ZFHX3: variants seen among roughly 807,000 people sequenced by gnomAD.
The protein encoded by ZFHX3 is zinc finger homeobox 3, also known as zinc finger homeobox protein 3.
A neutral mutation model predicts 279.1 loss-of-function variants in ZFHX3; 42 were observed. The observed-to-expected ratio is 0.15, with a 90% CI of 0.12 to 0.19. The LOEUF (loss-of-function observed/expected upper bound fraction) is 0.19, where lower values mean the gene tolerates loss of function less well. Ranked by LOEUF, ZFHX3 falls within the 10% of genes least tolerant of loss-of-function variation. The pLI is 1.00. For missense variants in ZFHX3, 4,981 were observed against 4,754.0 expected, an observed-to-expected ratio of 1.05 and a Z score of -1.40; for synonymous variants, 2,293 against 1,957.8, an observed-to-expected ratio of 1.17 and a Z score of -4.52.
intron 2 of ZFHX3, among the ~76,000 whole-genome samples, chr16:73,614,193 C>A (rs953653989): frequency 6.6e-6 from 1 of 152,174 alleles, no homozygotes; most frequent in Non-Finnish European, 1.5e-5. Context: ...CACACGTGAA[C>A]GTATGTGATG....
At chr16:73,344,706 G>C (rs2194339) in intron 3 of ZFHX3, among the ~76,000 whole-genome samples, 1 of 152,158 alleles carries the variant, frequency 6.6e-6, no homozygotes. Context: ...CAGAGAGAGA[G>C]AGAGAGACAG....
Position 73,452,862 on chromosome 16 carries a change from G to A in ZFHX3, c.-1291+3141C>T, listed in dbSNP as rs118149533. ...ACCAATGATTACCATTTCTATTAAC[G>A]CACCAGACATTAAGTCATTAAGTCT... is the stretch of plus-strand genomic sequence containing the variant. On this transcript the variant is annotated intron_variant, in intron 3 of 17. Transcript: ENST00000641206. Among the ~76,000 whole-genome samples the A allele has an allele frequency of 9.4e-3, 1,437 of 152,264 alleles. 57 individuals carry two copies. The highest frequency in any genetic ancestry group is 0.076 in the Admixed American group (1,160 of 15,304).
chr16:72,794,043 A>G lies in ZFHX3; in HGVS notation c.8639T>C (p.Met2880Thr), dbSNP rs1267773999. The G allele has an allele frequency of 3.1e-6, 5 of 1,614,244 alleles. No homozygotes were observed. The highest frequency in any genetic ancestry group is 4.2e-6 in the Non-Finnish European group (5 of 1,180,050). Residue 2880 changes from methionine to threonine, a missense_variant, in exon 9 of 10, where the codon ATG becomes ACG. By Grantham distance (81) the Met-to-Thr change is moderately conservative (BLOSUM62 -1). This residue lies in a region of ZFHX3 where 744 missense variants were observed against 701.3 expected (regional missense o/e 1.06). Coordinates refer to ENST00000268489, the MANE Select transcript of ZFHX3 (RefSeq NM_006885.4). This position sits in a 1 kb window ranked among gnomAD's most constrained non-coding sequence, Gnocchi z 4.2. ...ATCTTCATACTCAGACATTGCCATCATGGCCGCTTTGGTCAACCCTTCGTT... is the reference window on the plus strand; with the variant it reads ...ATCTTCATACTCAGACATTGCCATCGTGGCCGCTTTGGTCAACCCTTCGTT... ...APNEGLTKAA[M>T]MAMSEYEDRL... is the part of the protein sequence containing the mutation.
chr16:72,949,079 G>A (rs1960844598), intron 3 of ZFHX3, among the ~76,000 whole-genome samples: 3 of 152,092 alleles, frequency 2.0e-5, no homozygotes, highest in Non-Finnish European at 4.4e-5. Context: ...TTTCCCTAAA[G>A]TGCTTTCTTA....
chr16:73,428,044 C>T (rs892866321), intron 3 of ZFHX3, among the ~76,000 whole-genome samples: 24 of 152,134 alleles, frequency 1.6e-4, no homozygotes, highest in Non-Finnish European at 2.4e-4. Flanking sequence ...CATGCACACA[C>T]GTAGACACAC....
chr16:73,352,559 A>T (rs530805241), intron 3 of ZFHX3, among the ~76,000 whole-genome samples: 1 of 144,312 alleles, frequency 6.9e-6, no homozygotes, highest in Non-Finnish European at 1.5e-5. Context: ...GACTCACTGC[A>T]ATCTCTGCCT....
At position 73,580,891 on chromosome 16, in the gene ZFHX3, C is replaced by A. The variant is rs371527055; in HGVS notation, c.-1547+99289G>T. 1.3e-4 allele frequency among the ~76,000 whole-genome samples: 20 copies of A among 151,914 alleles called. No homozygotes were observed. In the South Asian group the frequency reaches 3.9e-3, roughly 30 times the overall value. ...ATTAGACTTTATAGTTTCTTTGTTT[C>A]CTGGCACAACAAGATATCTTGCTGT... On this transcript the variant is annotated intron_variant, in intron 2 of 17. Transcript: ENST00000641206.
At chr16:73,761,591 A>C (rs541762342) in intron 1 of ZFHX3, among the ~76,000 whole-genome samples, 6 of 152,206 alleles carry the variant, frequency 3.9e-5, no homozygotes, top group Admixed American at 1.3e-4. Flanking sequence ...CTATACTACA[A>C]GGCTATAGTA....
chr16:73,727,098 G>A (rs1392272423), intron 1 of ZFHX3, among the ~76,000 whole-genome samples: 2 of 152,224 alleles, frequency 1.3e-5, no homozygotes, highest in East Asian at 3.9e-4. Flanking sequence ...AGGGGTGGAT[G>A]TGGAACCAGT....
intron 1 of ZFHX3, among the ~76,000 whole-genome samples, chr16:73,713,970 G>A (rs1419645305): frequency 6.6e-6 from 1 of 152,160 alleles, no homozygotes; most frequent in African/African-American, 2.4e-5. Context: ...TACAGCCAGA[G>A]GAAGCAGATC....
At chr16:73,879,821 G>A (rs541423562) in intron 1 of ZFHX3, among the ~76,000 whole-genome samples, 413 of 151,626 alleles carry the variant, frequency 2.7e-3, no homozygotes, top group African/African-American at 4.2e-3. Context: ...TGCCACTGGC[G>A]CACCCACACA....
rs78907776 is a variant in ZFHX3, at chr16:72,896,301, C to T, written c.3217-6339G>A. 2.9e-3 allele frequency among the ~76,000 whole-genome samples: 437 copies of T among 152,266 alleles called. 3 individuals are homozygous for T. Among genetic ancestry groups the T allele is most frequent in the African/African-American group, 0.01 (425 of 41,542 alleles). On this transcript the variant is annotated intron_variant, in intron 3 of 9. Coordinates refer to ENST00000268489, the MANE Select transcript of ZFHX3 (RefSeq NM_006885.4). ...TACTCATGTTTTAAAATGTTCATCC[C>T]GTCTCAGTTTCGCTGGAAGGGGGAC... is the stretch of plus-strand genomic sequence containing the variant.
rs879828686 is a variant in ZFHX3 at position 73,447,261 on chromosome 16, A to G, written c.-1291+8742T>C. ...AAAGGAACAAGAAGTAGTGAAAAAA[A>G]TCAGGAAAACACCAGCAACAGTCAA... On this transcript the variant is annotated intron_variant, in intron 3 of 17. Coordinates refer to the ZFHX3 transcript ENST00000641206. Among the ~76,000 whole-genome samples, 4 of 152,272 alleles carry G rather than the reference A, an allele frequency of 2.6e-5. No homozygotes were observed. The South Asian group carries it at 8.3e-4, about 32-fold the overall frequency.
intron 5 of ZFHX3, among the ~76,000 whole-genome samples, chr16:73,214,298 C>T (rs1007856181): frequency 6.6e-5 from 10 of 152,204 alleles, no homozygotes; most frequent in African/African-American, 2.2e-4. Flanking sequence ...ATGCAGTCCA[C>T]GTTCTCCTCA....
chr16:73,041,894 T>C (rs555647771), intron 1 of ZFHX3, among the ~76,000 whole-genome samples: 1 of 152,294 alleles, frequency 6.6e-6, no homozygotes, highest in East Asian at 1.9e-4. Context: ...GAGGCTTGCA[T>C]TGCTTCTTGA....
In ZFHX3 at chr16:72,793,491, T is replaced by C. The variant is rs2035786079; in HGVS notation, c.9191A>G (p.Lys3064Arg). 1 of 1,614,086 alleles carries C rather than the reference T, an allele frequency of 6.2e-7. No individual in the cohort carries two copies. Among genetic ancestry groups the C allele is most frequent in the Non-Finnish European group, 8.5e-7 (1 of 1,180,044 alleles). Residue 3064 changes from lysine to arginine, a missense_variant, in exon 9 of 10, where the codon AAA (lysine) becomes AGA (arginine). By Grantham distance (26) the Lys-to-Arg change is conservative. Transcript: ENST00000268489. This position sits in a 1 kb window ranked among gnomAD's most constrained non-coding sequence, Gnocchi z 4.3. ...TACGGTGGCTGGGTCAAAGTATTCT[T>C]TCTCCTTGTCCAGCTGGCTTCCAAT... ...DTIGSQLDKE[K>R]EYFDPATVRQ... is the part of the protein sequence containing the mutation.
chr16:73,678,638 A>C (rs534518851), intron 2 of ZFHX3, among the ~76,000 whole-genome samples: 3 of 152,182 alleles, frequency 2.0e-5, no homozygotes, highest in Non-Finnish European at 4.4e-5. Flanking sequence ...CTATGTGCCA[A>C]TGGCAAGTGT....
chr16:73,851,470 T>C (rs1160697750), intron 1 of ZFHX3, among the ~76,000 whole-genome samples: 2 of 152,228 alleles, frequency 1.3e-5, no homozygotes, highest in Admixed American at 6.5e-5. Flanking sequence ...GGAACTTTCA[T>C]TGAGGTTCTA....
At chr16:73,544,749 G>A (rs745690208) in intron 2 of ZFHX3, among the ~76,000 whole-genome samples, 3 of 152,050 alleles carry the variant, frequency 2.0e-5, no homozygotes, top group African/African-American at 2.4e-5. Flanking sequence ...GCCAGGTAAA[G>A]GTGTGGGAGA....
Sources: allele counts gnomAD v4.1 joint callset (sites outside exome capture counted in the v4.1 genomes callset), GRCh38; gene constraint gnomAD v4.1.1; regional missense constraint gnomAD v4.1.1; non-coding constraint Gnocchi (gnomAD v3.1); transcripts MANE v1.5; gene names NCBI Gene and HGNC (gene_info 2026-07-23, HGNC 2026-07-21).